The following TMEFF2 variants were observed in gnomAD, a reference collection of about 807,000 sequenced individuals.
The protein encoded by TMEFF2 is tomoregulin-2.
In TMEFF2, 28 loss-of-function variants were observed where a neutral mutation model predicts 53.8. The ratio of observed to expected loss-of-function variants is 0.52; its 90% CI spans 0.39 to 0.71. The LOEUF (loss-of-function observed/expected upper bound fraction) is 0.71, where lower values mean the gene tolerates loss of function less well. Among genes scored for constraint, TMEFF2 ranks in the 30% least tolerant of loss-of-function variants. TMEFF2 has a pLI of 0.00. For missense variants in TMEFF2, 353 were observed against 455.2 expected (o/e 0.78, Z 2.04); for synonymous variants, 162 against 166.3 (o/e 0.97, Z 0.20).
chr2:192,013,843 C>G (rs1417515915), intron 5 of TMEFF2, among the ~76,000 whole-genome samples: 2 of 152,104 alleles, frequency 1.3e-5, no homozygotes. Context: ...GTGTTGTACT[C>G]TTCACAACTA....
At chr2:192,130,207 GA>G (rs947039667) in intron 4 of TMEFF2, among the ~76,000 whole-genome samples, 2 of 146,516 alleles carry the variant, frequency 1.4e-5, no homozygotes, top group Non-Finnish European at 3.0e-5. Flanking sequence ...TTAAACTAAA[GA>G]AAAAAATAAA....
chr2:192,172,604 G>A (rs1226284931), intron 4 of TMEFF2, among the ~76,000 whole-genome samples: 1 of 151,950 alleles, frequency 6.6e-6, no homozygotes, highest in Non-Finnish European at 1.5e-5. Context: ...CAGAAGATCA[G>A]GAATGGGATT....
intron 5 of TMEFF2, among the ~76,000 whole-genome samples, chr2:192,034,459 C>CA (rs1227306152): frequency 6.6e-6 from 1 of 152,130 alleles, no homozygotes; most frequent in African/African-American, 2.4e-5. Flanking sequence ...GTTGTAGGAA[C>CA]AAAAATGGAT....
At chr2:191,985,862 A>G (rs2105820174) in intron 7 of TMEFF2, among the ~76,000 whole-genome samples, 1 of 152,280 alleles carries the variant, frequency 6.6e-6, no homozygotes, top group South Asian at 2.1e-4. Flanking sequence ...CACCAATACA[A>G]TCAGGTCTAT....
intron 5 of TMEFF2, among the ~76,000 whole-genome samples, chr2:192,057,255 C>T (rs1687932937): frequency 6.6e-6 from 1 of 152,032 alleles, no homozygotes; most frequent in South Asian, 2.1e-4. Flanking sequence ...CACTTTGTGC[C>T]CAGGCTGATC....
At chr2:191,981,007 G>C (rs530970587) in intron 7 of TMEFF2, among the ~76,000 whole-genome samples, 6 of 151,658 alleles carry the variant, frequency 4.0e-5, no homozygotes, top group Non-Finnish European at 8.8e-5. Flanking sequence ...TGTTATGACC[G>C]TAGTCTTCTA....
At chr2:192,068,536 C>T (rs989718199) in intron 4 of TMEFF2, among the ~76,000 whole-genome samples, 3 of 151,734 alleles carry the variant, frequency 2.0e-5, no homozygotes, top group Non-Finnish European at 2.9e-5. Flanking sequence ...TAAGAAGTCC[C>T]TGGTAGATAT....
At chr2:192,039,486 TCAGAC>T (rs1046333631) in intron 5 of TMEFF2, among the ~76,000 whole-genome samples, 3 of 152,236 alleles carry the variant, frequency 2.0e-5, no homozygotes, top group Non-Finnish European at 2.9e-5. Context: ...AAAACTTTGA[TCAGAC>T]CAATGTTTTC....
At chr2:192,041,359 TA>T (rs1258244602) in intron 5 of TMEFF2, among the ~76,000 whole-genome samples, 13 of 152,070 alleles carry the variant, frequency 8.5e-5, no homozygotes, top group Non-Finnish European at 1.3e-4. Flanking sequence ...AATATACAAA[TA>T]AAAAGAGACC....
At chr2:192,176,425 A>G (rs1574437325) in intron 4 of TMEFF2, among the ~76,000 whole-genome samples, 1 of 151,532 alleles carries the variant, frequency 6.6e-6, no homozygotes, top group East Asian at 1.9e-4. Context: ...AAACACTAAA[A>G]GAAGAGGATA....
At chr2:191,984,314 A>C (rs1685924660) in intron 7 of TMEFF2, among the ~76,000 whole-genome samples, 1 of 152,134 alleles carries the variant, frequency 6.6e-6, no homozygotes, top group Non-Finnish European at 1.5e-5. Flanking sequence ...AAACAGGATA[A>C]AGTCTCATAT....
chr2:192,127,031 TCTTA>T (rs1343887523), intron 4 of TMEFF2, among the ~76,000 whole-genome samples: 1 of 152,164 alleles, frequency 6.6e-6, no homozygotes, highest in African/African-American at 2.4e-5. Flanking sequence ...AGTAAAGCAC[TCTTA>T]TTTAGACAGC....
intron 4 of TMEFF2, among the ~76,000 whole-genome samples, chr2:192,058,704 A>C (rs1687973126): frequency 6.6e-6 from 1 of 152,202 alleles, no homozygotes; most frequent in Non-Finnish European, 1.5e-5. Flanking sequence ...GAAAAATTAC[A>C]ATCAACTAAC....
At chr2:192,117,644 T>C (rs2884067) in intron 4 of TMEFF2, among the ~76,000 whole-genome samples, 151,146 of 152,140 alleles carry the variant, frequency 0.99, 75,085 homozygotes, top group Middle Eastern at 1. Context: ...AAGGACCATA[T>C]GTGACTCTTT....
At chr2:192,130,547 T>G (rs1003128937) in intron 4 of TMEFF2, among the ~76,000 whole-genome samples, 5 of 152,114 alleles carry the variant, frequency 3.3e-5, no homozygotes, top group Non-Finnish European at 7.4e-5. Flanking sequence ...CTGCCCCACC[T>G]TAACTGAGCG....
intron 4 of TMEFF2, among the ~76,000 whole-genome samples, chr2:192,174,677 A>G (rs1280759580): frequency 1.3e-5 from 2 of 151,600 alleles, no homozygotes; most frequent in Non-Finnish European, 3.0e-5. Flanking sequence ...TCCCATATAT[A>G]TTGCCTGGGA....
intron 5 of TMEFF2, among the ~76,000 whole-genome samples, chr2:192,022,942 TTA>T (rs1460156096): frequency 6.6e-6 from 1 of 152,168 alleles, no homozygotes; most frequent in Non-Finnish European, 1.5e-5. Flanking sequence ...ACACTAAGTA[TTA>T]TGTTTGATTT....
At chr2:192,016,444 TATC>T (rs1385591873) in intron 5 of TMEFF2, among the ~76,000 whole-genome samples, 5 of 152,318 alleles carry the variant, frequency 3.3e-5, no homozygotes, top group Admixed American at 2.6e-4. Context: ...AAATGACTAA[TATC>T]ATTTTGATCC....
chr2:192,180,062 T>C (rs1691148333), intron 3 of TMEFF2, among the ~76,000 whole-genome samples: 1 of 151,598 alleles, frequency 6.6e-6, no homozygotes, highest in African/African-American at 2.4e-5. Context: ...AATTAAATAG[T>C]CTAATGCGTG....
Sources: gnomAD v4.1 joint callset for allele counts (sites outside exome capture counted in the v4.1 genomes callset) on GRCh38, gnomAD v4.1.1 for gene constraint, MANE v1.5 for transcripts, NCBI Gene and HGNC (gene_info 2026-07-23, HGNC 2026-07-21) for gene names.